The following SETD5 variants were observed in gnomAD, a reference collection of about 807,000 sequenced individuals.
SETD5 encodes SET domain containing 5.
A neutral mutation model predicts 153.3 loss-of-function variants in SETD5; 44 were observed. The ratio of observed to expected loss-of-function variants is 0.29; its 90% CI spans 0.23 to 0.37. The LOEUF is 0.37. Ranked by LOEUF, SETD5 falls within the 10% of genes least tolerant of loss-of-function variation. The probability of loss-of-function intolerance (pLI) is 1.00; values close to 1 mark genes in which losing one functional copy is unlikely to be tolerated. For missense variants in SETD5, 1,544 were observed against 1,768.0 expected (o/e 0.87, Z 2.27); for synonymous variants, 716 against 645.2 (o/e 1.11, Z -1.66).
intron 16 of SETD5, among the ~76,000 whole-genome samples, 154 bp from the exon 17 acceptor site, chr3:9,453,585 C>T (rs1446379890): frequency 6.6e-6 from 1 of 152,056 alleles, no homozygotes; most frequent in Admixed American, 6.5e-5. Flanking sequence ...GACAATGTTC[C>T]AATATGCTGA....
chr3:9,404,804 G>A (rs1287887592), intron 1 of SETD5, among the ~76,000 whole-genome samples: 2 of 152,164 alleles, frequency 1.3e-5, no homozygotes, highest in African/African-American at 4.8e-5. Context: ...ACCACATTTT[G>A]ATTCCAAAGG....
Position 9,397,675 on chromosome 3 carries a change from C to CGCCGCCGCT in SETD5, c.-471_-470insTGCCGCCGC, listed in dbSNP as rs1553601462. 12 of 180,552 alleles carry CGCCGCCGCT rather than the reference C, an allele frequency of 6.6e-5. No homozygotes were observed. The highest frequency in any genetic ancestry group is 2.4e-4 in the African/African-American group (10 of 41,656). The allele number at this position is 180,552 out of a possible 1,614,324, so 11.2% of individuals were successfully genotyped here. On this transcript the variant is annotated 5_prime_UTR_variant, in exon 1 of 23. Coordinates refer to ENST00000402198, the MANE Select transcript of SETD5 (RefSeq NM_001080517.3). The stretch of plus-strand genomic sequence containing the variant: ...CTGCCGCCGCCGCCGCCGCCGCCGC[C>CGCCGCCGCT]GCCGCCGCCGCTGCCGGGGGAGGGG...
intron 13 of SETD5, among the ~76,000 whole-genome samples, chr3:9,445,961 G>GGTT (rs1379432984): frequency 1.6e-5 from 2 of 127,192 alleles, no homozygotes; most frequent in African/African-American, 7.0e-5. Flanking sequence ...GGTTTGAAGA[G>GGTT]GTTGTTTTTT....
Position 9,476,009 on chromosome 3 carries a change from A to G in SETD5, c.4247A>G (p.His1416Arg), listed in dbSNP as rs772502083. The stretch of plus-strand genomic sequence containing the variant: ...GTTTCCAATTCACAGCACTACCCAC[A>G]CCGTGGGAGTGGGGGTGTGCACCAG... ...SAVSNSQHYP[H>R]RGSGGVHQYR... Residue 1416 changes from histidine to arginine, a missense_variant, in exon 23 of 23, where the codon CAC (histidine) becomes CGC (arginine). Physicochemically the swap from His to Arg is conservative, Grantham distance 29. This residue lies in a region of SETD5 where 302 missense variants were observed against 277.6 expected (regional missense o/e 1.09). Coordinates refer to ENST00000402198, the MANE Select transcript of SETD5 (RefSeq NM_001080517.3). The G allele has an allele frequency of 6.2e-7, 1 of 1,613,868 alleles. No individual in the cohort carries two copies. Among genetic ancestry groups the G allele is most frequent in the Non-Finnish European group, 8.5e-7 (1 of 1,179,856 alleles).
intron 3 of SETD5, chr3:9,431,973 G>T (rs2040016688): frequency 6.5e-6 from 1 of 153,502 alleles, no homozygotes; most frequent in Non-Finnish European, 1.4e-5. Context: ...TAACAATGTT[G>T]TATAAATTTA....
At chr3:9,446,150 G>A (rs549439383) in intron 13 of SETD5, among the ~76,000 whole-genome samples, 205 of 151,250 alleles carry the variant, frequency 1.4e-3, no homozygotes, top group Middle Eastern at 3.4e-3. Flanking sequence ...AGCCGGGCGC[G>A]GTGGCGGGTG....
intron 19 of SETD5, among the ~76,000 whole-genome samples, chr3:9,471,211 C>T (rs1057279191): frequency 2.6e-5 from 4 of 152,276 alleles, no homozygotes; most frequent in Middle Eastern, 3.4e-3. Flanking sequence ...GTCCCAAGTT[C>T]GAGGCACTGT....
At chr3:9,445,490 A>C in intron 12 of SETD5, 167 bp from the exon 13 acceptor site, 1 of 888,576 alleles carries the variant, frequency 1.1e-6, no homozygotes, top group Non-Finnish European at 1.7e-6. Context: ...CTGGTTTTGC[A>C]CCAGAGAATA....
intron 17 of SETD5, 23 bp from the exon 18 acceptor site, chr3:9,464,402 C>A: frequency 1.9e-6 from 3 of 1,597,766 alleles, no homozygotes; most frequent in East Asian, 2.2e-5. Flanking sequence ...TTCAAACTCT[C>A]ATCCAAGCTT....
chr3:9,466,392 A>G (rs781752444), intron 18 of SETD5, among the ~76,000 whole-genome samples: 2 of 152,016 alleles, frequency 1.3e-5, no homozygotes, highest in Non-Finnish European at 2.9e-5. Context: ...ATTTGGGATA[A>G]CTATTAAACA....
intron 10 of SETD5, 145 bp from the exon 11 acceptor site, chr3:9,443,163 A>G: frequency 1.6e-6 from 1 of 624,510 alleles, no homozygotes; most frequent in Non-Finnish European, 2.8e-6. Context: ...GATGAAATGA[A>G]GGGGTTAAAT....
At chr3:9,418,655 C>A (rs1370032634) in intron 1 of SETD5, among the ~76,000 whole-genome samples, 1 of 151,638 alleles carries the variant, frequency 6.6e-6, no homozygotes, top group African/African-American at 2.4e-5. Context: ...ATACAATAAT[C>A]AGCTGGGTGT....
chr3:9,469,674 T>G (rs897790600), intron 18 of SETD5, among the ~76,000 whole-genome samples: 1 of 152,204 alleles, frequency 6.6e-6, no homozygotes, highest in Non-Finnish European at 1.5e-5. Flanking sequence ...TCTGGTACCA[T>G]TCTTTGTCGG....
intron 1 of SETD5, among the ~76,000 whole-genome samples, chr3:9,422,989 T>G (rs1376951048): frequency 6.6e-6 from 1 of 152,272 alleles, no homozygotes; most frequent in Non-Finnish European, 1.5e-5. Context: ...ACAGGATTAC[T>G]GAAGCAGACT....
In SETD5 at chr3:9,443,346, C is replaced by T; in HGVS notation, c.1116C>T (p.Cys372=). 1.3e-6 allele frequency: 2 copies of T among 1,542,834 alleles called. No homozygotes were observed. The highest frequency in any genetic ancestry group is 1.7e-6 in the Non-Finnish European group (2 of 1,145,608). Residue 372 remains cysteine, a synonymous_variant, in exon 11 of 23, where the codon TGC becomes TGT. Coordinates refer to ENST00000402198, the MANE Select transcript of SETD5 (RefSeq NM_001080517.3). The stretch of plus-strand genomic sequence containing the variant: ...TTGCAGATGGGATGATTCACCTGTG[C>T]ATCTATGCTGTGTCTGCCATCACCA... The part of the protein sequence containing the change: ...HMIADGMIHL[C]IYAVSAITKD...
In SETD5 at chr3:9,434,507, A is replaced by G; in HGVS notation, c.329+22A>G. ...GCAGGTAAGATCCTGTTCCATCTAA[A>G]TTTAAGTCTGGGTTGCTGGGATTAG... On this transcript the variant is annotated intron_variant, in intron 5 of 22. Transcript: ENST00000402198. The surrounding 1 kb of genome is among the most constrained non-coding windows in gnomAD (Gnocchi z 5.6). 1 of 1,613,726 alleles carries G rather than the reference A, an allele frequency of 6.2e-7. No homozygotes were observed. Among genetic ancestry groups the G allele is most frequent in the Non-Finnish European group, 8.5e-7 (1 of 1,179,730 alleles).
chr3:9,436,572 G>A (rs9814926), intron 7 of SETD5, among the ~76,000 whole-genome samples: 1 of 151,916 alleles, frequency 6.6e-6, no homozygotes, highest in Non-Finnish European at 1.5e-5. Flanking sequence ...TTTTCTCTTA[G>A]TATCAGAGGT....
rs1304991975 is a variant in SETD5 at position 9,475,661 on chromosome 3, C to T, written c.3899C>T (p.Ser1300Phe). Residue 1300 changes from serine to phenylalanine, a missense_variant, in exon 23 of 23, where the codon TCC becomes TTC. Physicochemically the swap from Ser to Phe is radical, Grantham distance 155. This residue lies in a region of SETD5 where 302 missense variants were observed against 277.6 expected (regional missense o/e 1.09). Coordinates refer to ENST00000402198, the MANE Select transcript of SETD5 (RefSeq NM_001080517.3). Reference sequence around the variant, plus strand: ...TCATCCCTCTCTTCCACGTCCTATTCCAGCCCCGCCCACCCTGTGTCCACA... The same window carrying T: ...TCATCCCTCTCTTCCACGTCCTATTTCAGCCCCGCCCACCCTGTGTCCACA... ...SESSLSSTSY[S>F]SPAHPVSTDS... 6.2e-7 allele frequency: 1 copy of T among 1,614,022 alleles called. No individual in the cohort carries two copies. Among genetic ancestry groups the T allele is most frequent in the Non-Finnish European group, 8.5e-7 (1 of 1,179,896 alleles).
chr3:9,418,523 C>T (rs891471218), intron 1 of SETD5, among the ~76,000 whole-genome samples: 33 of 152,242 alleles, frequency 2.2e-4, no homozygotes, highest in African/African-American at 7.9e-4. Context: ...AAGAACTTTA[C>T]AGGACATCCA....
Sources: gnomAD v4.1 joint callset for allele counts (sites outside exome capture counted in the v4.1 genomes callset) on GRCh38, gnomAD v4.1.1 for gene constraint, gnomAD v4.1.1 regional missense constraint, Gnocchi (gnomAD v3.1) non-coding constraint, MANE v1.5 for transcripts, NCBI Gene and HGNC (gene_info 2026-07-23, HGNC 2026-07-21) for gene names.